Variants in ZNF595 observed in about 807,000 individuals in gnomAD.
ZNF595 encodes zinc finger protein 595.
In ZNF595, 9 loss-of-function variants were observed where a neutral mutation model predicts 19.4. That is an observed-to-expected ratio of 0.46 (90% CI 0.28 to 0.81). The LOEUF (loss-of-function observed/expected upper bound fraction) is 0.81, where lower values mean the gene tolerates loss of function less well. Ranked by LOEUF, ZNF595 falls within the 30% of genes least tolerant of loss-of-function variation. The pLI is 0.11. For missense variants in ZNF595, 729 were observed against 736.0 expected, an observed-to-expected ratio of 0.99 and a Z score of 0.11; for synonymous variants, 255 against 255.9, an observed-to-expected ratio of 1.00 and a Z score of 0.03.
Position 86,382 on chromosome 4 carries a change from T to G in ZNF595, c.878T>G (p.Phe293Cys). 1 of 1,613,490 alleles carries G rather than the reference T, an allele frequency of 6.2e-7. No individual in the cohort carries two copies. The highest frequency in any genetic ancestry group is 2.2e-5 in the East Asian group (1 of 44,842). Residue 293 changes from phenylalanine (F) to cysteine (C), a missense_variant, in exon 4 of 4, where the codon TTT becomes TGT. Phe to Cys is a radical substitution (Grantham distance 205). Around this residue, in one of 2 missense-constraint regions of ZNF595, gnomAD observed 729 missense variants for 675.3 expected, o/e 1.08. Transcript: ENST00000610261. Reference protein sequence around the residue: ...PYKCKECGKAFRWSTSLNEHK... With the variant: ...PYKCKECGKACRWSTSLNEHK... ...AAATGTAAAGAATGTGGCAAAGCCTTTAGATGGTCCACAAGCCTGAATGAA... is the reference window on the plus strand; with the variant it reads ...AAATGTAAAGAATGTGGCAAAGCCTGTAGATGGTCCACAAGCCTGAATGAA...
At chr4:67,891 CTTTT>C in intron 3 of ZNF595, 8 of 462,584 alleles carry the variant, frequency 1.7e-5, no homozygotes, top group East Asian at 6.8e-5. Context: ...AGGATTGCTT[CTTTT>C]TTTTTTTTTG....
Position 86,429 on chromosome 4 carries a change from G to A in ZNF595, c.925G>A (p.Glu309Lys), listed in dbSNP as rs1047032155. Residue 309 changes from glutamate (E) to lysine (K), a missense_variant, in exon 4 of 4, where the codon GAG becomes AAG. By Grantham distance (56) the Glu-to-Lys change is moderately conservative (BLOSUM62 1). Transcript: ENST00000610261. ...LNEHKNIHTG[E>K]KPYKCKECGK... ...TGAACATAAGAATATTCATACTGGA[G>A]AGAAACCCTACAAATGTAAAGAATG... 1 of 1,613,924 alleles carries A rather than the reference G, an allele frequency of 6.2e-7. No individual in the cohort carries two copies. The highest frequency in any genetic ancestry group is 1.3e-5 in the African/African-American group (1 of 74,920).
intron 3 of ZNF595, among the ~76,000 whole-genome samples, chr4:74,996 A>G (rs1417842713): frequency 1.3e-5 from 2 of 151,788 alleles, no homozygotes; most frequent in Non-Finnish European, 2.9e-5. Flanking sequence ...TTAGCCTTTT[A>G]TTACCATATA....
At chr4:85,079 A>C (rs956323676) in intron 3 of ZNF595, among the ~76,000 whole-genome samples, 5 of 152,196 alleles carry the variant, frequency 3.3e-5, no homozygotes, top group African/African-American at 1.2e-4. Context: ...TGATAGAGAT[A>C]ATGGGAGCCT....
intron 3 of ZNF595, among the ~76,000 whole-genome samples, chr4:78,071 C>T (rs368512598): frequency 1.1e-4 from 17 of 152,246 alleles, no homozygotes; most frequent in South Asian, 6.2e-4. Context: ...TGCAGTGGCG[C>T]GATCTCGGCT....
chr4:74,857 T>C (rs550153299), intron 3 of ZNF595, among the ~76,000 whole-genome samples: 1 of 152,228 alleles, frequency 6.6e-6, no homozygotes, highest in Non-Finnish European at 1.5e-5. Flanking sequence ...ACTAAGCAAT[T>C]CCCAGCTTGA....
chr4:78,955 A>C (rs1713788330), intron 3 of ZNF595, among the ~76,000 whole-genome samples: 1 of 152,226 alleles, frequency 6.6e-6, no homozygotes, highest in Non-Finnish European at 1.5e-5. Flanking sequence ...GGCCTCCGAA[A>C]GTGCTGGGAT....
At chr4:72,970 A>G (rs969859605) in intron 3 of ZNF595, among the ~76,000 whole-genome samples, 2 of 152,112 alleles carry the variant, frequency 1.3e-5, no homozygotes, top group African/African-American at 4.8e-5. Flanking sequence ...GAGCCTTTAC[A>G]CTGAGAAGGT....
chr4:60,517 T>A, intron 3 of ZNF595: 1 of 447,874 alleles, frequency 2.2e-6, no homozygotes, highest in Non-Finnish European at 4.3e-6. Context: ...GCATCATGCC[T>A]AAAATACGTA....
At chr4:63,242 A>G (rs1712920949) in intron 3 of ZNF595, among the ~76,000 whole-genome samples, 1 of 143,086 alleles carries the variant, frequency 7.0e-6, no homozygotes, top group Non-Finnish European at 1.5e-5. Flanking sequence ...GAAATTAGAA[A>G]GTATGATGTC....
intron 3 of ZNF595, among the ~76,000 whole-genome samples, chr4:76,239 T>C (rs1395642910): frequency 6.6e-6 from 1 of 152,184 alleles, no homozygotes; most frequent in Non-Finnish European, 1.5e-5. Flanking sequence ...TTTTATTTTA[T>C]GTATTTATTT....
intron 3 of ZNF595, among the ~76,000 whole-genome samples, chr4:75,061 T>C (rs1438161296): frequency 6.6e-6 from 1 of 152,188 alleles, no homozygotes; most frequent in Non-Finnish European, 1.5e-5. Flanking sequence ...CTCTTTTGTC[T>C]GATACGGCCA....
In ZNF595 at chr4:86,958, G is replaced by A; in HGVS notation, c.1454G>A (p.Cys485Tyr). 6.2e-7 allele frequency: 1 copy of A among 1,613,806 alleles called. No individual in the cohort carries two copies. Among genetic ancestry groups the A allele is most frequent in the Non-Finnish European group, 8.5e-7 (1 of 1,179,892 alleles). ...TGEKPYKCEE[C>Y]GKAFIWSASL... ...GAGAAACCCTACAAATGTGAAGAATGTGGCAAAGCTTTCATATGGTCCGCA... is the reference window on the plus strand; with the variant it reads ...GAGAAACCCTACAAATGTGAAGAATATGGCAAAGCTTTCATATGGTCCGCA... The change falls in exon 4 of 4, where the codon TGT becomes TAT. Residue 485 changes from cysteine (C) to tyrosine (Y), a missense_variant. Cys to Tyr is a radical substitution (Grantham distance 194). Around this residue, in one of 2 missense-constraint regions of ZNF595, gnomAD observed 729 missense variants for 675.3 expected, o/e 1.08. Coordinates refer to ENST00000610261, the MANE Select transcript of ZNF595 (RefSeq NM_182524.4).
chr4:67,383 C>A (rs1713179326), intron 3 of ZNF595, among the ~76,000 whole-genome samples: 1 of 151,122 alleles, frequency 6.6e-6, no homozygotes, highest in Admixed American at 6.6e-5. Flanking sequence ...CCACTTAACC[C>A]CGACACAGTT....
rs1196238557 is a variant in ZNF595 at position 88,070 on chromosome 4, A to G, written c.*619A>G. ...TTATTTTTTTACTACAGGTTATTTT[A>G]TGATTATAATAAGTATATGAGTATA... On this transcript the variant is annotated 3_prime_UTR_variant, in exon 4 of 4. Transcript: ENST00000610261. 1 of 151,720 alleles carries G rather than the reference A, an allele frequency of 6.6e-6. No individual in the cohort carries two copies. The highest frequency in any genetic ancestry group is 1.5e-5 in the Non-Finnish European group (1 of 68,026). The allele number at this position is 151,720 out of a possible 1,614,324, so 9.4% of individuals were successfully genotyped here. A position where few individuals can be genotyped will look rare whatever the true frequency, so the allele number is the denominator to read the frequency against.
intron 3 of ZNF595, among the ~76,000 whole-genome samples, chr4:83,619 C>CAAAAAAAAAAAAAA (rs71164492): frequency 2.9e-4 from 11 of 38,592 alleles, no homozygotes; most frequent in African/African-American, 5.7e-4. Flanking sequence ...GACTCCGTCT[C>CAAAAAAAAAAAAAA]AAAAAAAAAA....
At chr4:78,137 T>G (rs1469072196) in intron 3 of ZNF595, among the ~76,000 whole-genome samples, 1 of 152,096 alleles carries the variant, frequency 6.6e-6, no homozygotes, top group Non-Finnish European at 1.5e-5. Flanking sequence ...GCCTCCCGAG[T>G]AGCTGGGACT....
At chr4:83,114 A>G (rs1553800358) in intron 3 of ZNF595, among the ~76,000 whole-genome samples, 1 of 152,148 alleles carries the variant, frequency 6.6e-6, no homozygotes, top group African/African-American at 2.4e-5. Flanking sequence ...TTTCCTAGTA[A>G]ATGAACATTT....
Position 86,060 on chromosome 4 carries a change from CA to C in ZNF595, c.557del (p.His186ProfsTer2). ...TECGRSFYMSHLTQHTGIHAG... is the reference protein window; with the variant it reads ...TECGRSFYMSXLTQHTGIHAG... The stretch of plus-strand genomic sequence containing the variant: ...ATGTGGCAGATCGTTTTACATGTCA[CA>C]CCTAACTCAACATACAGGAATTCAT... On this transcript the variant is annotated frameshift_variant, in exon 4 of 4. Transcript: ENST00000610261. LOFTEE classifies it low-confidence loss of function (END_TRUNC). The C allele has an allele frequency of 6.2e-7, 1 of 1,612,456 alleles. No individual in the cohort carries two copies. The highest frequency in any genetic ancestry group is 8.5e-7 in the Non-Finnish European group (1 of 1,179,134).
Sources: allele counts gnomAD v4.1 joint callset (sites outside exome capture counted in the v4.1 genomes callset), GRCh38; gene constraint gnomAD v4.1.1; regional missense constraint gnomAD v4.1.1; transcripts MANE v1.5; gene names NCBI Gene and HGNC (gene_info 2026-07-23, HGNC 2026-07-21).